PTP4A2: variants seen among roughly 807,000 people sequenced by gnomAD.
PTP4A2 encodes protein tyrosine phosphatase 4A2.
Under a neutral mutation model 22.9 loss-of-function variants are expected in PTP4A2, and 2 were observed. The ratio of observed to expected loss-of-function variants is 0.09; its 90% CI spans 0.04 to 0.27. The LOEUF is 0.27. Ranked by LOEUF, PTP4A2 falls within the 10% of genes least tolerant of loss-of-function variation. The pLI, the probability that PTP4A2 is intolerant of heterozygous loss-of-function variation, is 1.00. For missense variants in PTP4A2, 103 were observed against 205.1 expected (o/e 0.50, Z 3.04); for synonymous variants, 68 against 69.1 (o/e 0.98, Z 0.08).
intron 2 of PTP4A2, among the ~76,000 whole-genome samples, chr1:31,917,781 C>T (rs1237663448): frequency 1.3e-5 from 2 of 151,568 alleles, no homozygotes; most frequent in African/African-American, 4.9e-5. Flanking sequence ...CAAGACCATC[C>T]TGGCCAACAC....
intron 2 of PTP4A2, among the ~76,000 whole-genome samples, chr1:31,916,715 C>T (rs1226846939): frequency 6.6e-6 from 1 of 152,098 alleles, no homozygotes; most frequent in Non-Finnish European, 1.5e-5. Context: ...AGAAGTATGG[C>T]ACATCCATAT....
At chr1:31,924,139 G>A (rs527942390) in intron 1 of PTP4A2, 1 of 152,282 alleles carries the variant, frequency 6.6e-6, no homozygotes, top group Non-Finnish European at 1.5e-5. Context: ...CCAGCATTAA[G>A]TTTTCTACCT....
In PTP4A2 at chr1:31,908,588, G is replaced by T; in HGVS notation, c.*264C>A. On this transcript the variant is annotated 3_prime_UTR_variant, in exon 6 of 6. Coordinates refer to ENST00000647444, the MANE Select transcript of PTP4A2 (RefSeq NM_080391.4). ...ATTTCAAAATAATTCAATCCTGGCAGAAATTCAAACTCCAAAACTAGGAGC... is the reference window on the plus strand; with the variant it reads ...ATTTCAAAATAATTCAATCCTGGCATAAATTCAAACTCCAAAACTAGGAGC... 3.2e-6 allele frequency: 1 copy of T among 311,068 alleles called. No homozygotes were observed. The highest frequency in any genetic ancestry group is 5.9e-6 in the Non-Finnish European group (1 of 169,656). The allele number at this position is 311,068 out of a possible 1,614,324, so 19.3% of individuals were successfully genotyped here.
At chr1:31,930,523 C>A (rs891588499) in intron 1 of PTP4A2, among the ~76,000 whole-genome samples, 1 of 152,148 alleles carries the variant, frequency 6.6e-6, no homozygotes, top group Non-Finnish European at 1.5e-5. Flanking sequence ...TCCCAAAATA[C>A]ATCTTGTCAA....
rs1557857801 is a variant in PTP4A2, at chr1:31,906,788, C to CACACACA, written c.*2063_*2064insTGTGTGT. The CACACACA allele has an allele frequency of 6.0e-5, 6 of 99,768 alleles. No homozygotes were observed. The highest frequency in any genetic ancestry group is 2.3e-4 in the African/African-American group (6 of 26,192). 6.2% of individuals were successfully genotyped at this position (99,768 alleles called of 1,614,324 possible). A position where few individuals can be genotyped will look rare whatever the true frequency, so the allele number is the denominator to read the frequency against. On this transcript the variant is annotated 3_prime_UTR_variant, in exon 6 of 6. Coordinates refer to ENST00000647444, the MANE Select transcript of PTP4A2 (RefSeq NM_080391.4). Reference sequence around the variant, plus strand: ...CACACACACACACACACACACACACCCCCTCCCCCCAAACAACAAAATTCA... The same window carrying CACACACA: ...CACACACACACACACACACACACACCACACACACCCTCCCCCCAAACAACAAAATTCA...
intron 3 of PTP4A2, chr1:31,914,151 T>C (rs1290891964): frequency 9.8e-6 from 4 of 407,888 alleles, no homozygotes; most frequent in African/African-American, 4.1e-5. Flanking sequence ...ACTGCAGCCT[T>C]GACCTCTCGG....
chr1:31,916,360 A>G (rs1473604843), intron 2 of PTP4A2, among the ~76,000 whole-genome samples: 34 of 140,798 alleles, frequency 2.4e-4, no homozygotes, highest in African/African-American at 8.6e-4. Flanking sequence ...AAAAAAAAAA[A>G]AAAAAAAAAA....
intron 1 of PTP4A2, among the ~76,000 whole-genome samples, chr1:31,928,559 G>T (rs1326962425): frequency 6.6e-6 from 1 of 151,894 alleles, no homozygotes; most frequent in African/African-American, 2.4e-5. Flanking sequence ...AACTAGCCAG[G>T]TATTGTGGCG....
intron 1 of PTP4A2, among the ~76,000 whole-genome samples, chr1:31,920,934 T>A (rs1652121173): frequency 1.3e-5 from 2 of 152,200 alleles, no homozygotes; most frequent in Admixed American, 1.3e-4. Flanking sequence ...AAGGTGTACC[T>A]ATAAATGGGT....
At chr1:31,924,250 T>G (rs928043487) in intron 1 of PTP4A2, 13 of 152,222 alleles carry the variant, frequency 8.5e-5, no homozygotes, top group African/African-American at 3.1e-4. Flanking sequence ...TAAAGATAAT[T>G]CATTATTAAG....
chr1:31,933,687 C>G (rs1437501798), intron 1 of PTP4A2: 2 of 152,220 alleles, frequency 1.3e-5, no homozygotes, highest in Non-Finnish European at 2.9e-5. Flanking sequence ...TGCACCACTG[C>G]ACTCCAGCCT....
chr1:31,908,187 T>A lies in PTP4A2; in HGVS notation c.*665A>T, dbSNP rs1162068626. 1 of 33,576 alleles carries A rather than the reference T, an allele frequency of 3.0e-5. No individual in the cohort carries two copies. The highest frequency in any genetic ancestry group is 5.4e-5 in the Non-Finnish European group (1 of 18,556). 2.1% of individuals were successfully genotyped at this position (33,576 alleles called of 1,614,324 possible). On this transcript the variant is annotated 3_prime_UTR_variant, in exon 6 of 6. Transcript: ENST00000647444. The stretch of plus-strand genomic sequence containing the variant: ...ATATATATATATATATATATATATA[T>A]ATATATATATATATATATATCACTG...
chr1:31,934,451 T>C (rs1652850957), intron 1 of PTP4A2, among the ~76,000 whole-genome samples: 1 of 152,190 alleles, frequency 6.6e-6, no homozygotes, highest in Non-Finnish European at 1.5e-5. Flanking sequence ...ATGCACCTGC[T>C]CCTCTCCATC....
intron 2 of PTP4A2, among the ~76,000 whole-genome samples, chr1:31,916,288 T>C (rs1482387552): frequency 2.3e-5 from 3 of 129,882 alleles, no homozygotes; most frequent in Non-Finnish European, 4.6e-5. Flanking sequence ...GATATTGCAG[T>C]GAGCCGAGAT....
Position 31,908,090 on chromosome 1 carries a change from T to C in PTP4A2, c.*762A>G, listed in dbSNP as rs1651271993. 2 of 99,996 alleles carry C rather than the reference T, an allele frequency of 2.0e-5. No individual in the cohort carries two copies. Among genetic ancestry groups the C allele is most frequent in the Admixed American group, 1.2e-4 (1 of 8,432 alleles). The allele number at this position is 99,996 out of a possible 1,614,324, so 6.2% of individuals were successfully genotyped here. On this transcript the variant is annotated 3_prime_UTR_variant, in exon 6 of 6. Transcript: ENST00000647444. ...ACTAACATGAACACCCTTTCATCAG[T>C]AAAGACTAAAAACCACCTGGAAAAT...
chr1:31,914,454 G>A, intron 3 of PTP4A2: 1 of 332,152 alleles, frequency 3.0e-6, no homozygotes, highest in Non-Finnish European at 6.1e-6. Flanking sequence ...AGATATAAGA[G>A]GACTGCCTTA....
At chr1:31,915,076 T>G (rs961171176) in intron 3 of PTP4A2, among the ~76,000 whole-genome samples, 1 of 152,232 alleles carries the variant, frequency 6.6e-6, no homozygotes, top group Non-Finnish European at 1.5e-5. Flanking sequence ...GAATGTCTGA[T>G]GGAAATTACT....
chr1:31,914,168 G>C, intron 3 of PTP4A2: 1 of 418,634 alleles, frequency 2.4e-6, no homozygotes. Flanking sequence ...TCGGGTTCAG[G>C]TGATCCTCCC....
At chr1:31,914,286 G>T (rs1278755958) in intron 3 of PTP4A2, 1 of 455,640 alleles carries the variant, frequency 2.2e-6, no homozygotes, top group Admixed American at 2.4e-5. Context: ...CACTAGTCTT[G>T]GAACTCCTGG....
Sources: allele counts gnomAD v4.1 joint callset (sites outside exome capture counted in the v4.1 genomes callset), GRCh38; gene constraint gnomAD v4.1.1; transcripts MANE v1.5; gene names NCBI Gene and HGNC (gene_info 2026-07-23, HGNC 2026-07-21).